The following CLCN6 variants were observed in gnomAD, a reference collection of about 807,000 sequenced individuals.
The protein encoded by CLCN6 is H(+)/Cl(-) exchange transporter 6.
A neutral mutation model predicts 109.8 loss-of-function variants in CLCN6; 70 were observed. The ratio of observed to expected loss-of-function variants is 0.64; its 90% CI spans 0.53 to 0.78. The LOEUF (loss-of-function observed/expected upper bound fraction) is 0.78. Ranked by LOEUF, CLCN6 falls within the 30% of genes least tolerant of loss-of-function variation. The pLI is 0.00. For synonymous variants in CLCN6, 444 were observed against 447.8 expected (o/e 0.99, Z 0.11); for missense variants, 984 against 1,142.3 (o/e 0.86, Z 2.00).
chr1:11,812,618 A>C (rs560457656), intron 2 of CLCN6, among the ~76,000 whole-genome samples: 225 of 151,736 alleles, frequency 1.5e-3, no homozygotes, highest in Admixed American at 4.2e-3. Context: ...TCTCATTAGC[A>C]AACAAAAGAT....
chr1:11,837,092 G>A lies in CLCN6; in HGVS notation c.2074G>A (p.Glu692Lys), dbSNP rs1166203946. 2.5e-6 allele frequency: 4 copies of A among 1,613,342 alleles called. No homozygotes were observed. Among genetic ancestry groups the A allele is most frequent in the African/African-American group, 2.7e-5 (2 of 74,946 alleles). The change falls in exon 19 of 23, where the codon GAG (glutamate) becomes AAG (lysine). Residue 692 changes from glutamate to lysine, a missense_variant. Transcript: ENST00000346436. ...PSSELRNMCD[E>K]HIASEEPAEK... is the part of the protein sequence containing the mutation. ...CAGCGAGCTACGGAACATGTGTGAT[G>A]AGCACATCGCCTCTGAGGAGCCAGC...
intron 2 of CLCN6, among the ~76,000 whole-genome samples, chr1:11,810,538 TC>T (rs755554903): frequency 1.3e-5 from 2 of 152,160 alleles, no homozygotes; most frequent in Middle Eastern, 3.4e-3. Flanking sequence ...AGCCCCCACC[TC>T]CCTCCCGGCC....
chr1:11,807,039 T>G, intron 1 of CLCN6, 92 bp from the exon 2 acceptor site: 1 of 1,162,264 alleles, frequency 8.6e-7, no homozygotes, highest in East Asian at 2.3e-5. Flanking sequence ...TCCAGATGAT[T>G]TAGAAGCTAG....
chr1:11,839,343 C>A (rs1383895849), intron 22 of CLCN6, among the ~76,000 whole-genome samples: 1 of 152,186 alleles, frequency 6.6e-6, no homozygotes, highest in Non-Finnish European at 1.5e-5. Flanking sequence ...CTCACTGCAG[C>A]CTCGACCTTC....
intron 1 of CLCN6, chr1:11,806,881 A>G (rs1017142900): frequency 2.4e-5 from 11 of 450,584 alleles, no homozygotes; most frequent in African/African-American, 1.8e-4. Context: ...GGCGTTGGAC[A>G]TCTTTGAGGT....
chr1:11,835,418 C>A (rs143800963), intron 17 of CLCN6, among the ~76,000 whole-genome samples: 5,906 of 152,190 alleles, frequency 0.039, 173 homozygotes, highest in Non-Finnish European at 0.055. Context: ...ATCACAGGCG[C>A]GTGCCACCAC....
intron 5 of CLCN6, among the ~76,000 whole-genome samples, chr1:11,822,040 G>A (rs1210459195): frequency 2.0e-5 from 3 of 151,940 alleles, no homozygotes; most frequent in African/African-American, 7.2e-5. Context: ...ATAATTTCAG[G>A]TTAGTGGTTT....
chr1:11,807,353 C>A (rs1644530320), intron 2 of CLCN6, among the ~76,000 whole-genome samples, 163 bp downstream of exon 2: 1 of 152,188 alleles, frequency 6.6e-6, no homozygotes. Context: ...TTAGCAAGCC[C>A]TTTTCTCACC....
chr1:11,825,335 G>A (rs1644798161), intron 8 of CLCN6, among the ~76,000 whole-genome samples: 1 of 152,222 alleles, frequency 6.6e-6, no homozygotes. Flanking sequence ...TGGCAGAAGT[G>A]AGCCAAGGGG....
chr1:11,839,505 A>G (rs1035626869), intron 22 of CLCN6, among the ~76,000 whole-genome samples: 1 of 152,040 alleles, frequency 6.6e-6, no homozygotes, highest in Admixed American at 6.5e-5. Flanking sequence ...CAAGTGATTC[A>G]CCTGCCTCGG....
intron 1 of CLCN6, chr1:11,806,924 A>G (rs1644521681): frequency 5.2e-6 from 3 of 573,098 alleles, no homozygotes; most frequent in Admixed American, 3.0e-5. Context: ...TTTGGAGACT[A>G]TCAGTGGAAA....
intron 22 of CLCN6, chr1:11,839,165 T>C (rs1321144872): frequency 3.5e-6 from 2 of 572,870 alleles, no homozygotes; most frequent in Non-Finnish European, 6.2e-6. Context: ...AAAACACATA[T>C]GAGCAAAAAA....
At chr1:11,808,034 C>A (rs558706402) in intron 2 of CLCN6, among the ~76,000 whole-genome samples, 1 of 152,188 alleles carries the variant, frequency 6.6e-6, no homozygotes, top group African/African-American at 2.4e-5. Context: ...GGATTTGTAG[C>A]ACTTTTTTGT....
At chr1:11,811,647 G>T (rs1253636772) in intron 2 of CLCN6, among the ~76,000 whole-genome samples, 1 of 152,162 alleles carries the variant, frequency 6.6e-6, no homozygotes, top group Admixed American at 6.5e-5. Flanking sequence ...CTCCCAAAGT[G>T]CTGGGATTAC....
chr1:11,815,486 C>T (rs1380414354), intron 2 of CLCN6, among the ~76,000 whole-genome samples: 1 of 152,136 alleles, frequency 6.6e-6, no homozygotes. Flanking sequence ...ACCTCCACCT[C>T]CCAGGTTCCA....
In CLCN6 at chr1:11,834,222, T is replaced by G. The variant is rs1264907939; in HGVS notation, c.1527-14T>G. 4 of 1,605,624 alleles carry G rather than the reference T, an allele frequency of 2.5e-6. No homozygotes were observed. In the Admixed American group the frequency reaches 5.2e-5, roughly 21 times the overall value. Reference sequence around the variant, plus strand: ...GTGGTTCAAAGCCATGTTCTCGGTGTTTTCCTTCACTAGCTACATTGGATT... The same window carrying G: ...GTGGTTCAAAGCCATGTTCTCGGTGGTTTCCTTCACTAGCTACATTGGATT... On this transcript the variant is annotated splice_polypyrimidine_tract_variant and intron_variant, in intron 15 of 22. Transcript: ENST00000346436. The surrounding 1 kb of genome is among the most constrained non-coding windows in gnomAD (Gnocchi z 4.5).
At position 11,836,059 on chromosome 1, in the gene CLCN6, T is replaced by G. The variant is rs894529319; in HGVS notation, c.1886T>G (p.Val629Gly). The change falls in exon 18 of 23, where the codon GTC (valine) becomes GGC (glycine). Residue 629 changes from valine (V) to glycine (G), a missense_variant. By Grantham distance (109) the Val-to-Gly change is moderately radical (BLOSUM62 -3). Transcript: ENST00000346436. ...QSLVSILRTT[V>G]HHAFPVVTEN... ...CTGGTGAGCATCCTGCGCACCACGGTCCACCATGCCTTCCCGGTGGTCACA... is the reference window on the plus strand; with the variant it reads ...CTGGTGAGCATCCTGCGCACCACGGGCCACCATGCCTTCCCGGTGGTCACA... The G allele has an allele frequency of 3.1e-6, 5 of 1,613,276 alleles. No homozygotes were observed. Among genetic ancestry groups the G allele is most frequent in the Non-Finnish European group, 4.2e-6 (5 of 1,179,830 alleles).
intron 2 of CLCN6, among the ~76,000 whole-genome samples, chr1:11,811,558 T>C (rs569495614): frequency 6.6e-6 from 1 of 152,260 alleles, no homozygotes; most frequent in African/African-American, 2.4e-5. Flanking sequence ...AATTTTGTAT[T>C]TTTAGTAGAG....
chr1:11,820,574 GGC>G, intron 5 of CLCN6: 1 of 483,144 alleles, frequency 2.1e-6, no homozygotes, highest in Non-Finnish European at 3.9e-6. Flanking sequence ...AGACCATCCT[GGC>G]TAACACGGTG....
Sources: gnomAD v4.1 joint callset for allele counts (sites outside exome capture counted in the v4.1 genomes callset) on GRCh38, gnomAD v4.1.1 for gene constraint, Gnocchi (gnomAD v3.1) non-coding constraint, MANE v1.5 for transcripts, NCBI Gene and HGNC (gene_info 2026-07-23, HGNC 2026-07-21) for gene names.